Variants in UGGT2 observed in about 807,000 individuals in gnomAD.
UGGT2 encodes UDP-glucose:glycoprotein glucosyltransferase 2.
Under a neutral mutation model 192.1 loss-of-function variants are expected in UGGT2, and 180 were observed. That is an observed-to-expected ratio of 0.94 (90% CI 0.83 to 1.06). The LOEUF (loss-of-function observed/expected upper bound fraction) is 1.06, where lower values mean the gene tolerates loss of function less well. UGGT2 is among the 50% of genes least tolerant of loss of function. The pLI, the probability that UGGT2 is intolerant of heterozygous loss-of-function variation, is 0.00. For missense variants in UGGT2, 1,849 were observed against 1,795.7 expected, an observed-to-expected ratio of 1.03 and a Z score of -0.54; for synonymous variants, 580 against 591.0, an observed-to-expected ratio of 0.98 and a Z score of 0.27.
At chr13:95,825,387 G>C (rs1275768790) in intron 38 of UGGT2, among the ~76,000 whole-genome samples, 2 of 152,226 alleles carry the variant, frequency 1.3e-5, no homozygotes, top group South Asian at 2.1e-4. Flanking sequence ...TCTTAACAAG[G>C]GGAAGAGTGA....
intron 38 of UGGT2, among the ~76,000 whole-genome samples, chr13:95,828,056 T>G (rs1343835176): frequency 6.6e-6 from 1 of 152,124 alleles, no homozygotes; most frequent in East Asian, 1.9e-4. Context: ...CACAAACTGC[T>G]CAGGGACACA....
intron 21 of UGGT2, among the ~76,000 whole-genome samples, chr13:95,902,411 G>C (rs190081674): frequency 6.6e-6 from 1 of 152,024 alleles, no homozygotes. Context: ...AAAGAACAGG[G>C]ACAGGGACTC....
intron 5 of UGGT2, among the ~76,000 whole-genome samples, chr13:96,000,021 T>C (rs1054542732): frequency 2.0e-5 from 3 of 152,218 alleles, no homozygotes; most frequent in Non-Finnish European, 4.4e-5. Context: ...CCATATTTTA[T>C]TCAAAAGGAA....
chr13:95,964,171 A>G (rs1303345415), intron 12 of UGGT2, among the ~76,000 whole-genome samples: 3 of 152,218 alleles, frequency 2.0e-5, no homozygotes, highest in East Asian at 3.8e-4. Context: ...TCATGTATTT[A>G]TAGCCAATTG....
intron 17 of UGGT2, among the ~76,000 whole-genome samples, chr13:95,929,252 C>G (rs1391343177): frequency 6.6e-6 from 1 of 152,112 alleles, no homozygotes; most frequent in Non-Finnish European, 1.5e-5. Flanking sequence ...ATTTTAGATG[C>G]AATTATGCCT....
At chr13:96,001,509 A>G (rs1282986754) in intron 5 of UGGT2, among the ~76,000 whole-genome samples, 1 of 152,152 alleles carries the variant, frequency 6.6e-6, no homozygotes, top group Non-Finnish European at 1.5e-5. Context: ...TGTTGCTCAC[A>G]CAAAGCCTGT....
chr13:95,807,095 C>A (rs761764366), intron 38 of UGGT2, among the ~76,000 whole-genome samples: 29 of 152,136 alleles, frequency 1.9e-4, no homozygotes, highest in South Asian at 1.9e-3. Context: ...TGACTGGAAG[C>A]CTTAGAGATA....
chr13:96,049,874 G>A (rs1276257504), intron 1 of UGGT2, among the ~76,000 whole-genome samples: 1 of 152,170 alleles, frequency 6.6e-6, no homozygotes, highest in Non-Finnish European at 1.5e-5. Flanking sequence ...TGGATAGGAA[G>A]AATCAGTATC....
chr13:96,009,859 G>C (rs2052100962), intron 5 of UGGT2, among the ~76,000 whole-genome samples: 1 of 151,982 alleles, frequency 6.6e-6, no homozygotes, highest in Admixed American at 6.6e-5. Flanking sequence ...TTCAAAAGAA[G>C]ACATATGATA....
chr13:95,827,964 A>G (rs1886218635), intron 38 of UGGT2, among the ~76,000 whole-genome samples: 1 of 152,100 alleles, frequency 6.6e-6, no homozygotes, highest in African/African-American at 2.4e-5. Flanking sequence ...ATCTCCCTAT[A>G]CCACGACTTC....
chr13:96,051,010 C>G (rs544412812), intron 1 of UGGT2, among the ~76,000 whole-genome samples: 62 of 152,286 alleles, frequency 4.1e-4, no homozygotes, highest in Non-Finnish European at 7.8e-4. Context: ...ATAAATCATG[C>G]TGCTATAAAG....
intron 5 of UGGT2, among the ~76,000 whole-genome samples, chr13:96,000,653 T>C (rs540056469): frequency 2.6e-4 from 39 of 152,374 alleles, no homozygotes; most frequent in African/African-American, 8.4e-4. Flanking sequence ...TAAGGCCGTA[T>C]ATCTTGTTAT....
chr13:96,021,344 T>C (rs2052509916), intron 4 of UGGT2, among the ~76,000 whole-genome samples: 1 of 152,182 alleles, frequency 6.6e-6, no homozygotes, highest in Admixed American at 6.5e-5. Flanking sequence ...ATTATAAAAG[T>C]TGACATCAGA....
chr13:95,917,245 A>G (rs958900396), intron 20 of UGGT2, among the ~76,000 whole-genome samples: 1 of 152,172 alleles, frequency 6.6e-6, no homozygotes, highest in Admixed American at 6.5e-5. Context: ...GCCAATATTC[A>G]ACATTCTTAA....
intron 21 of UGGT2, among the ~76,000 whole-genome samples, chr13:95,901,938 C>T (rs779322928): frequency 1.3e-5 from 2 of 152,078 alleles, no homozygotes; most frequent in Admixed American, 1.3e-4. Flanking sequence ...CTTCCCATGG[C>T]GTAATTTCCT....
chr13:95,903,701 T>G (rs2048181576), intron 20 of UGGT2, among the ~76,000 whole-genome samples: 1 of 152,190 alleles, frequency 6.6e-6, no homozygotes, highest in South Asian at 2.1e-4. Flanking sequence ...ATATACAGTC[T>G]TTTATCTATT....
At chr13:95,943,416 G>T (rs2049758085) in intron 15 of UGGT2, among the ~76,000 whole-genome samples, 1 of 151,754 alleles carries the variant, frequency 6.6e-6, no homozygotes. Context: ...CAGCCCCCAG[G>T]TTTCCTAAGT....
chr13:96,051,476 TA>T (rs200085982), intron 1 of UGGT2, among the ~76,000 whole-genome samples: 2,879 of 151,476 alleles, frequency 0.019, 40 homozygotes, highest in Non-Finnish European at 0.031. Context: ...AGTATAATAA[TA>T]AAAAAAATAG....
At chr13:95,922,358 A>G (rs2048872292) in intron 20 of UGGT2, among the ~76,000 whole-genome samples, 1 of 152,222 alleles carries the variant, frequency 6.6e-6, no homozygotes. Flanking sequence ...ATCAGGTACT[A>G]TGTTTGCTAC....
Sources: gnomAD v4.1 joint callset for allele counts (sites outside exome capture counted in the v4.1 genomes callset) on GRCh38, gnomAD v4.1.1 for gene constraint, MANE v1.5 for transcripts, NCBI Gene and HGNC (gene_info 2026-07-23, HGNC 2026-07-21) for gene names.